Variants in PTPRT observed in about 807,000 individuals in gnomAD.
The protein encoded by PTPRT is receptor-type tyrosine-protein phosphatase T.
Under a neutral mutation model 176.8 loss-of-function variants are expected in PTPRT, and 56 were observed. The ratio of observed to expected loss-of-function variants is 0.32; its 90% CI spans 0.26 to 0.40. PTPRT has a LOEUF of 0.40. Ranked by LOEUF, PTPRT falls within the 10% of genes least tolerant of loss-of-function variation. The probability of loss-of-function intolerance (pLI) is 1.00; values close to 1 mark genes in which losing one functional copy is unlikely to be tolerated. For missense variants in PTPRT, 1,540 were observed against 1,908.2 expected, an observed-to-expected ratio of 0.81 and a Z score of 3.60; for synonymous variants, 783 against 739.0, an observed-to-expected ratio of 1.06 and a Z score of -0.96.
chr20:42,557,641 G>A lies in PTPRT; in HGVS notation c.1154-85079C>T, dbSNP rs6030326. ...ATGGATCCAGACAATCAATAGCAAG[G>A]GGACAGAAAGTCATTGTGGAGTAGC... is the stretch of plus-strand genomic sequence containing the variant. On this transcript the variant is annotated intron_variant, in intron 7 of 30. Coordinates refer to ENST00000373187, the MANE Select transcript of PTPRT (RefSeq NM_007050.6). 3.1e-3 allele frequency among the ~76,000 whole-genome samples: 467 copies of A among 152,166 alleles called. 3 individuals are homozygous for A. The highest frequency in any genetic ancestry group is 0.011 in the African/African-American group (449 of 41,502).
At position 42,078,092 on chromosome 20, in the gene PTPRT, G is replaced by A. The variant is rs1057137547; in HGVS notation, c.*2787C>T. On this transcript the variant is annotated 3_prime_UTR_variant, in exon 31 of 31. Transcript: ENST00000373187. ...CTGGGGCATTGGGCTGGAGCCGAGGGAGGCCAGCAGGCCCAGTGGGGGTGG... is the reference window on the plus strand; with the variant it reads ...CTGGGGCATTGGGCTGGAGCCGAGGAAGGCCAGCAGGCCCAGTGGGGGTGG... 6 of 187,748 alleles carry A rather than the reference G, an allele frequency of 3.2e-5. No individual in the cohort carries two copies. The highest frequency in any genetic ancestry group is 5.6e-5 in the Non-Finnish European group (5 of 88,782). The allele number at this position is 187,748 out of a possible 1,614,324, so 11.6% of individuals were successfully genotyped here.
intron 13 of PTPRT, among the ~76,000 whole-genome samples, chr20:42,277,432 G>A (rs1014592892): frequency 2.6e-5 from 4 of 152,228 alleles, no homozygotes; most frequent in African/African-American, 4.8e-5. Flanking sequence ...CAAGATGGGA[G>A]TGCTGCTGCC....
intron 16 of PTPRT, among the ~76,000 whole-genome samples, chr20:42,163,388 C>T (rs1239770003): frequency 6.6e-6 from 1 of 152,178 alleles, no homozygotes; most frequent in Admixed American, 6.5e-5. Context: ...GTTAGCAAAA[C>T]CTTCCTGACT....
At chr20:42,322,629 A>T (rs539832640) in intron 11 of PTPRT, among the ~76,000 whole-genome samples, 40 of 151,334 alleles carry the variant, frequency 2.6e-4, no homozygotes, top group African/African-American at 9.5e-4. Flanking sequence ...TTAAAGACTT[A>T]AATGTTAGAC....
chr20:43,085,635 G>A (rs2011583246), intron 1 of PTPRT, among the ~76,000 whole-genome samples: 1 of 152,144 alleles, frequency 6.6e-6, no homozygotes, highest in Non-Finnish European at 1.5e-5. Context: ...GATAGAGCAG[G>A]TGCAGGGGAA....
chr20:42,328,321 T>C (rs1420699400), intron 11 of PTPRT, among the ~76,000 whole-genome samples: 1 of 152,262 alleles, frequency 6.6e-6, no homozygotes, highest in East Asian at 1.9e-4. Context: ...CCAGATGGCT[T>C]TTCCAATGAG....
chr20:43,066,408 G>A (rs1037955302), intron 1 of PTPRT, among the ~76,000 whole-genome samples: 1 of 152,126 alleles, frequency 6.6e-6, no homozygotes, highest in African/African-American at 2.4e-5. Context: ...TTTAAAATGA[G>A]ATTAACCCAA....
At chr20:42,148,230 C>A (rs1276708526) in intron 17 of PTPRT, among the ~76,000 whole-genome samples, 1 of 144,406 alleles carries the variant, frequency 6.9e-6, no homozygotes, top group Admixed American at 6.9e-5. Flanking sequence ...GTTTCCTACT[C>A]TTCAACAGTG....
chr20:42,431,995 A>G (rs1265047119), intron 9 of PTPRT, among the ~76,000 whole-genome samples: 2 of 152,240 alleles, frequency 1.3e-5, no homozygotes, highest in African/African-American at 4.8e-5. Flanking sequence ...CAGGGCCTTT[A>G]GGCATTGCAA....
At chr20:42,991,237 A>C (rs536518450) in intron 1 of PTPRT, among the ~76,000 whole-genome samples, 10 of 152,264 alleles carry the variant, frequency 6.6e-5, no homozygotes, top group African/African-American at 2.4e-4. Context: ...CTAATGAAAT[A>C]ATCATAGAGG....
At chr20:42,206,826 A>G (rs943241500) in intron 15 of PTPRT, among the ~76,000 whole-genome samples, 5 of 152,230 alleles carry the variant, frequency 3.3e-5, no homozygotes, top group African/African-American at 1.2e-4. Flanking sequence ...TGTAGGCTCC[A>G]CCTCTGGGGG....
chr20:42,186,710 G>C (rs1990797432), intron 16 of PTPRT, among the ~76,000 whole-genome samples: 1 of 152,050 alleles, frequency 6.6e-6, no homozygotes, highest in Non-Finnish European at 1.5e-5. Flanking sequence ...GCCTTGAAAA[G>C]GTCTCCCTGG....
intron 1 of PTPRT, among the ~76,000 whole-genome samples, chr20:43,122,539 T>C (rs529328404): frequency 2.7e-4 from 41 of 152,282 alleles, no homozygotes; most frequent in South Asian, 1.5e-3. Context: ...GATTGGATCA[T>C]GGGGGCAGAT....
At chr20:42,264,307 A>G (rs1318405015) in intron 13 of PTPRT, among the ~76,000 whole-genome samples, 1 of 152,190 alleles carries the variant, frequency 6.6e-6, no homozygotes, top group Non-Finnish European at 1.5e-5. Context: ...CTTTTGATTC[A>G]GTGGGGAGAC....
In PTPRT at chr20:42,076,217, T is replaced by G. The variant is rs192610491; in HGVS notation, c.*4662A>C. The G allele has an allele frequency of 3.1e-3, 639 of 207,018 alleles. 4 individuals are homozygous for G. Among genetic ancestry groups the G allele is most frequent in the African/African-American group, 0.014 (601 of 43,952 alleles). The allele number at this position is 207,018 out of a possible 1,614,324, so 12.8% of individuals were successfully genotyped here. On this transcript the variant is annotated 3_prime_UTR_variant, in exon 31 of 31. Transcript: ENST00000373187. ...GTGCCCCCTCCAAGGTGCTAGGTGC[T>G]GTAGGCACCCAGTAATTATGTGTGG...
At chr20:42,442,494 T>C (rs2059325227) in intron 9 of PTPRT, among the ~76,000 whole-genome samples, 1 of 152,218 alleles carries the variant, frequency 6.6e-6, no homozygotes, top group Non-Finnish European at 1.5e-5. Flanking sequence ...CAATCAACTC[T>C]AGCATAATCA....
At position 42,960,645 on chromosome 20, in the gene PTPRT, C is replaced by T. The variant is rs934207095; in HGVS notation, c.89-74713G>A. On this transcript the variant is annotated intron_variant, in intron 1 of 30. Coordinates refer to ENST00000373187, the MANE Select transcript of PTPRT (RefSeq NM_007050.6). ...GCATCTGTCACTGTTTCCTCTCCCC[C>T]CAGTATTGGGATCACACTAGGTACA... 6.6e-5 allele frequency among the ~76,000 whole-genome samples: 10 copies of T among 152,198 alleles called. No homozygotes were observed. The East Asian group carries it at 1.5e-3, about 24-fold the overall frequency.
chr20:42,140,375 C>T (rs1022565062), intron 18 of PTPRT, among the ~76,000 whole-genome samples: 1 of 152,208 alleles, frequency 6.6e-6, no homozygotes, highest in African/African-American at 2.4e-5. Flanking sequence ...AATTAGAATA[C>T]ATGCTTAGCA....
At chr20:42,200,277 G>T (rs1248119379) in intron 15 of PTPRT, among the ~76,000 whole-genome samples, 1 of 152,138 alleles carries the variant, frequency 6.6e-6, no homozygotes, top group Non-Finnish European at 1.5e-5. Flanking sequence ...TCTAAATCCT[G>T]AACTATTCTT....
Sources: gnomAD v4.1 joint callset for allele counts (sites outside exome capture counted in the v4.1 genomes callset) on GRCh38, gnomAD v4.1.1 for gene constraint, MANE v1.5 for transcripts, NCBI Gene and HGNC (gene_info 2026-07-23, HGNC 2026-07-21) for gene names.